SLC9A9: variants seen among roughly 807,000 people sequenced by gnomAD.
SLC9A9 encodes sodium/hydrogen exchanger 9.
In SLC9A9, 62 loss-of-function variants were observed where a neutral mutation model predicts 77.8. That is an observed-to-expected ratio of 0.80 (90% CI 0.65 to 0.98). The LOEUF is 0.98. Among genes scored for constraint, SLC9A9 ranks in the 50% least tolerant of loss-of-function variants. SLC9A9 has a pLI of 0.00. For synonymous variants in SLC9A9, 320 were observed against 283.5 expected (o/e 1.13, Z -1.29); for missense variants, 775 against 774.9 (o/e 1.00, Z 0.00).
At chr3:143,696,848 C>G (rs1392202142) in intron 4 of SLC9A9, among the ~76,000 whole-genome samples, 2 of 151,978 alleles carry the variant, frequency 1.3e-5, no homozygotes, top group African/African-American at 4.8e-5. Flanking sequence ...AACTAGAAGC[C>G]TCATATACTA....
chr3:143,650,896 T>C (rs1205980910), intron 6 of SLC9A9, among the ~76,000 whole-genome samples: 1 of 152,228 alleles, frequency 6.6e-6, no homozygotes, highest in Non-Finnish European at 1.5e-5. Context: ...ACATTTATTC[T>C]TAGAGTCTGC....
At chr3:143,457,767 A>G (rs1260759004) in intron 12 of SLC9A9, among the ~76,000 whole-genome samples, 1 of 152,088 alleles carries the variant, frequency 6.6e-6, no homozygotes, top group Non-Finnish European at 1.5e-5. Context: ...AGTTATTTTT[A>G]TATTTATTTC....
chr3:143,293,602 T>G (rs933128365), intron 14 of SLC9A9, among the ~76,000 whole-genome samples: 1 of 152,188 alleles, frequency 6.6e-6, no homozygotes, highest in Admixed American at 6.5e-5. Context: ...GACTGGGTAT[T>G]ATTGTGGAAG....
At chr3:143,741,078 A>G (rs1935061617) in intron 4 of SLC9A9, among the ~76,000 whole-genome samples, 2 of 152,240 alleles carry the variant, frequency 1.3e-5, no homozygotes, top group Non-Finnish European at 2.9e-5. Context: ...ACATTAGTAT[A>G]CACACATATA....
intron 4 of SLC9A9, among the ~76,000 whole-genome samples, chr3:143,704,224 T>C (rs1262922943): frequency 6.6e-6 from 1 of 152,174 alleles, no homozygotes; most frequent in Non-Finnish European, 1.5e-5. Context: ...ATTCATATTA[T>C]GAGGCCAGTA....
intron 14 of SLC9A9, among the ~76,000 whole-genome samples, chr3:143,328,576 G>A (rs1166447303): frequency 6.6e-6 from 1 of 152,146 alleles, no homozygotes; most frequent in Admixed American, 6.5e-5. Context: ...GGTATTCAAA[G>A]CCCAGTGCAA....
intron 14 of SLC9A9, among the ~76,000 whole-genome samples, chr3:143,299,848 A>G (rs536353086): frequency 2.6e-5 from 4 of 152,138 alleles, no homozygotes; most frequent in African/African-American, 9.6e-5. Flanking sequence ...GGCAGTTGGG[A>G]CCCCTGGGTT....
chr3:143,786,045 C>G (rs1007305798), intron 4 of SLC9A9, among the ~76,000 whole-genome samples: 1 of 151,056 alleles, frequency 6.6e-6, no homozygotes, highest in Non-Finnish European at 1.5e-5. Context: ...TTAGTAGAGA[C>G]GGGGTTTCAC....
chr3:143,346,495 C>T (rs772433154), intron 14 of SLC9A9, among the ~76,000 whole-genome samples: 9 of 151,978 alleles, frequency 5.9e-5, no homozygotes, highest in African/African-American at 1.7e-4. Context: ...TTTTATGAAA[C>T]CTTTGGTTAG....
At chr3:143,487,560 C>A (rs565968957) in intron 11 of SLC9A9, among the ~76,000 whole-genome samples, 15 of 151,628 alleles carry the variant, frequency 9.9e-5, no homozygotes, top group Non-Finnish European at 2.1e-4. Context: ...AAAGATAGGA[C>A]AACAGTGGAA....
intron 2 of SLC9A9, among the ~76,000 whole-genome samples, chr3:143,827,601 C>A (rs759945183): frequency 6.6e-6 from 1 of 152,104 alleles, no homozygotes. Context: ...CTCACAGAGC[C>A]ATCAAACCAG....
At chr3:143,454,818 C>G (rs373860688) in intron 12 of SLC9A9, among the ~76,000 whole-genome samples, 1 of 152,198 alleles carries the variant, frequency 6.6e-6, no homozygotes, top group Non-Finnish European at 1.5e-5. Flanking sequence ...GGCTGTCAGC[C>G]AGGTATTATT....
chr3:143,328,130 C>A (rs1015450260), intron 14 of SLC9A9, among the ~76,000 whole-genome samples: 2 of 152,122 alleles, frequency 1.3e-5, no homozygotes, highest in Admixed American at 1.3e-4. Context: ...GTGGTAGATA[C>A]ATGTCATTAC....
chr3:143,653,940 G>A (rs562498878), intron 5 of SLC9A9, among the ~76,000 whole-genome samples: 2 of 152,278 alleles, frequency 1.3e-5, no homozygotes, highest in East Asian at 1.9e-4. Context: ...ATGAGTGAAC[G>A]AATAAGAGAG....
At chr3:143,722,244 C>T (rs1241181407) in intron 4 of SLC9A9, among the ~76,000 whole-genome samples, 3 of 152,120 alleles carry the variant, frequency 2.0e-5, no homozygotes, top group Admixed American at 1.3e-4. Context: ...GAGGCCGAGG[C>T]GGGCGGATCA....
At chr3:143,320,974 C>T (rs1359221803) in intron 14 of SLC9A9, among the ~76,000 whole-genome samples, 2 of 152,122 alleles carry the variant, frequency 1.3e-5, no homozygotes, top group African/African-American at 4.8e-5. Context: ...TGGAGTGGTG[C>T]ATCCATAAGC....
At chr3:143,698,882 T>G (rs985498348) in intron 4 of SLC9A9, among the ~76,000 whole-genome samples, 6 of 152,212 alleles carry the variant, frequency 3.9e-5, no homozygotes, top group African/African-American at 1.4e-4. Flanking sequence ...AATAGGCCAC[T>G]GTGTACAGCT....
Position 143,652,115 on chromosome 3 carries a change from C to G in SLC9A9, c.755+140G>C, listed in dbSNP as rs886235108. On this transcript the variant is annotated intron_variant, in intron 6 of 15. Coordinates refer to ENST00000316549, the MANE Select transcript of SLC9A9 (RefSeq NM_173653.4). Reference sequence around the variant, plus strand: ...AAATTAGATGCCTAATGAATTGTGCCCATTATGGAAATTTTCTGTGATAAC... The same window carrying G: ...AAATTAGATGCCTAATGAATTGTGCGCATTATGGAAATTTTCTGTGATAAC... 1.3e-5 allele frequency: 9 copies of G among 691,278 alleles called. 1 individual carries two copies. The highest frequency in any genetic ancestry group is 2.0e-5 in the Non-Finnish European group (8 of 391,718). The allele number at this position is 691,278 out of a possible 1,614,324, so 42.8% of individuals were successfully genotyped here.
intron 6 of SLC9A9, among the ~76,000 whole-genome samples, chr3:143,604,316 C>A (rs746076862): frequency 6.6e-6 from 1 of 152,092 alleles, no homozygotes; most frequent in Admixed American, 6.5e-5. Context: ...AAGCAGGGTG[C>A]GAAGCTCTGG....
Sources: allele counts gnomAD v4.1 joint callset (sites outside exome capture counted in the v4.1 genomes callset), GRCh38; gene constraint gnomAD v4.1.1; transcripts MANE v1.5; gene names NCBI Gene and HGNC (gene_info 2026-07-23, HGNC 2026-07-21).